The following SSU72 variants were observed in gnomAD, a reference collection of about 807,000 sequenced individuals.
The protein encoded by SSU72 is SSU72 homolog, RNA polymerase II CTD phosphatase, also known as RNA polymerase II subunit A C-terminal domain phosphatase SSU72.
SSU72 carries 12 observed loss-of-function variants against 22.7 expected under a neutral mutation model. The observed-to-expected ratio is 0.53, with a 90% CI of 0.34 to 0.86. SSU72 has a LOEUF of 0.86. Among genes scored for constraint, SSU72 ranks in the 40% least tolerant of loss-of-function variants. The pLI, the probability that SSU72 is intolerant of heterozygous loss-of-function variation, is 0.02. For missense variants in SSU72, 151 were observed against 249.8 expected (o/e 0.60, Z 2.67); for synonymous variants, 116 against 98.3 (o/e 1.18, Z -1.06).
chr1:1,542,144 CT>C lies in SSU72; in HGVS notation c.506del (p.Glu169GlyfsTer93). 1 of 1,591,118 alleles carries C rather than the reference CT, an allele frequency of 6.3e-7. No individual in the cohort carries two copies. ...CQCIQHTEDM[E>X]NEIDELLQEF... is the part of the protein sequence containing the mutation. Reference sequence around the variant, plus strand: ...CCTGCAGCAGCTCGTCGATCTCGTTCTCCATGTCTTCCGTGTGCTGGATCTG... The same window carrying C: ...CCTGCAGCAGCTCGTCGATCTCGTTCCCATGTCTTCCGTGTGCTGGATCTG... On this transcript the variant is annotated frameshift_variant, in exon 5 of 5. Transcript: ENST00000291386. LOFTEE classifies it high-confidence loss of function. This position sits in a 1 kb window ranked among gnomAD's most constrained non-coding sequence, Gnocchi z 4.4.
chr1:1,549,672 C>T (rs529921135), intron 2 of SSU72, among the ~76,000 whole-genome samples: 13 of 151,304 alleles, frequency 8.6e-5, no homozygotes, highest in African/African-American at 3.2e-4. Context: ...AACCCTGACT[C>T]TACTAAAGTA....
chr1:1,566,362 C>T (rs80032619), intron 1 of SSU72, among the ~76,000 whole-genome samples: 1,526 of 152,342 alleles, frequency 0.01, 11 homozygotes, highest in Admixed American at 0.014. Flanking sequence ...GACTTCTCAA[C>T]CTAGCTTTAT....
chr1:1,548,184 T>C (rs917238462), intron 2 of SSU72, among the ~76,000 whole-genome samples: 1 of 152,108 alleles, frequency 6.6e-6, no homozygotes, highest in Non-Finnish European at 1.5e-5. Flanking sequence ...AGGGACCACG[T>C]TCAGTAGAGG....
intron 2 of SSU72, among the ~76,000 whole-genome samples, chr1:1,559,585 C>T (rs1642560488): frequency 6.6e-6 from 1 of 152,160 alleles, no homozygotes; most frequent in African/African-American, 2.4e-5. Flanking sequence ...ATATACACTA[C>T]TACTATTATT....
chr1:1,573,071 C>T (rs980321746), intron 1 of SSU72, among the ~76,000 whole-genome samples: 1 of 148,836 alleles, frequency 6.7e-6, no homozygotes, highest in African/African-American at 2.5e-5. Flanking sequence ...GGCAGATCAC[C>T]TGAGGTCAGG....
At chr1:1,561,459 G>T (rs191168677) in intron 2 of SSU72, 1 of 152,256 alleles carries the variant, frequency 6.6e-6, no homozygotes, top group East Asian at 1.9e-4. Context: ...ACCCCGTCTT[G>T]CTTCCACTGC....
chr1:1,544,086 C>A, intron 3 of SSU72, 99 bp from the exon 4 acceptor site: 1 of 878,676 alleles, frequency 1.1e-6, no homozygotes, highest in Non-Finnish European at 1.8e-6. Flanking sequence ...GCAGGCCCAG[C>A]CCAGCCCCAG....
At chr1:1,544,616 C>CA (rs1254250469) in intron 3 of SSU72, 4 of 557,898 alleles carry the variant, frequency 7.2e-6, no homozygotes, top group Non-Finnish European at 1.3e-5. Context: ...GACTCTGTCT[C>CA]AAAAAACAAA....
At chr1:1,553,093 C>T (rs913276418) in intron 2 of SSU72, among the ~76,000 whole-genome samples, 3 of 150,836 alleles carry the variant, frequency 2.0e-5, no homozygotes, top group East Asian at 1.9e-4. Flanking sequence ...TATTCTGCAA[C>T]ACAAAACCAG....
chr1:1,550,109 G>A (rs1642438227), intron 2 of SSU72, among the ~76,000 whole-genome samples: 1 of 150,914 alleles, frequency 6.6e-6, no homozygotes, highest in Admixed American at 6.6e-5. Flanking sequence ...AACCTGGGAG[G>A]GGAGATTGCC....
intron 2 of SSU72, 124 bp downstream of exon 2, chr1:1,564,649 G>A (rs751899728): frequency 3.1e-6 from 5 of 1,613,854 alleles, no homozygotes; most frequent in East Asian, 2.2e-5. Context: ...CCAAGCTCTC[G>A]CAAAGACAGA....
rs1329256728 is a variant in SSU72 at position 1,574,834 on chromosome 1, C to T, written c.-277G>A. ...GCCCCCGGCGTCCGCAGCAGAGACC[C>T]GCACTCCACAAGGCCCGGCTGAGCG... On this transcript the variant is annotated 5_prime_UTR_variant, in exon 1 of 5. Coordinates refer to ENST00000291386, the MANE Select transcript of SSU72 (RefSeq NM_014188.3). 1 of 340,760 alleles carries T rather than the reference C, an allele frequency of 2.9e-6. No individual in the cohort carries two copies. The allele number at this position is 340,760 out of a possible 1,614,324, so 21.1% of individuals were successfully genotyped here. A position where few individuals can be genotyped will look rare whatever the true frequency, so the allele number is the denominator to read the frequency against.
At chr1:1,545,826 C>T (rs988394061) in intron 2 of SSU72, 4 of 152,250 alleles carry the variant, frequency 2.6e-5, no homozygotes, top group Admixed American at 6.6e-5. Flanking sequence ...GCCTGGAAAA[C>T]GCTGATACAA....
chr1:1,543,772 CCT>C (rs773531445), intron 4 of SSU72, 95 bp downstream of exon 4: 28 of 966,406 alleles, frequency 2.9e-5, no homozygotes, highest in Middle Eastern at 6.6e-4. Flanking sequence ...TCGGCCACCC[CCT>C]CTGTCACGGC....
chr1:1,571,810 C>CA (rs1570402426), intron 1 of SSU72, among the ~76,000 whole-genome samples: 2 of 150,758 alleles, frequency 1.3e-5, no homozygotes, highest in East Asian at 2.0e-4. Context: ...TTTTTTGAGA[C>CA]AGAGTCTCGC....
At chr1:1,558,882 G>C (rs1390172746) in intron 2 of SSU72, among the ~76,000 whole-genome samples, 1 of 152,196 alleles carries the variant, frequency 6.6e-6, no homozygotes, top group Non-Finnish European at 1.5e-5. Flanking sequence ...CACTAACTTA[G>C]AAACAGAAGT....
chr1:1,556,207 T>A (rs1012520366), intron 2 of SSU72, among the ~76,000 whole-genome samples: 2 of 151,956 alleles, frequency 1.3e-5, no homozygotes, highest in Non-Finnish European at 2.9e-5. Flanking sequence ...CCAAGGCGGG[T>A]GGATCACAAG....
intron 3 of SSU72, among the ~76,000 whole-genome samples, chr1:1,544,388 C>T (rs985264925): frequency 6.6e-6 from 1 of 152,132 alleles, no homozygotes; most frequent in Admixed American, 6.5e-5. Context: ...GAGGCTGAGG[C>T]GGGCGGATCA....
intron 1 of SSU72, among the ~76,000 whole-genome samples, chr1:1,571,638 C>G (rs1173805778): frequency 6.6e-6 from 1 of 152,136 alleles, no homozygotes; most frequent in African/African-American, 2.4e-5. Flanking sequence ...GCTCTCCGCT[C>G]CTTTTCCAGA....
Sources: gnomAD v4.1 joint callset for allele counts (sites outside exome capture counted in the v4.1 genomes callset) on GRCh38, gnomAD v4.1.1 for gene constraint, Gnocchi (gnomAD v3.1) non-coding constraint, MANE v1.5 for transcripts, NCBI Gene and HGNC (gene_info 2026-07-23, HGNC 2026-07-21) for gene names.